SPATA22: variants seen among roughly 807,000 people sequenced by gnomAD.
SPATA22 encodes spermatogenesis-associated protein 22.
In SPATA22, 29 loss-of-function variants were observed where a neutral mutation model predicts 47.8. The observed-to-expected ratio is 0.61, with a 90% CI of 0.45 to 0.83. The LOEUF (loss-of-function observed/expected upper bound fraction) is 0.83. Ranked by LOEUF, SPATA22 falls within the 40% of genes least tolerant of loss-of-function variation. The pLI is 0.00. For synonymous variants in SPATA22, 133 were observed against 140.9 expected (o/e 0.94, Z 0.40); for missense variants, 410 against 421.7 (o/e 0.97, Z 0.24).
chr17:3,510,841 T>G lies in SPATA22; in HGVS notation c.-74+2571A>C, dbSNP rs9913028. 33,436 of 152,174 alleles carry G rather than the reference T, an allele frequency of 0.22. 3,960 individuals are homozygous for G. The highest frequency in any genetic ancestry group is 0.27 in the Non-Finnish European group (18,604 of 68,004). The allele number at this position is 152,174 out of a possible 1,614,324, so 9.4% of individuals were successfully genotyped here. A position where few individuals can be genotyped will look rare whatever the true frequency, so the allele number is the denominator to read the frequency against. On this transcript the variant is annotated intron_variant, in intron 1 of 8. Coordinates refer to the SPATA22 transcript ENST00000541913. ...CAGGCCTTGAGGAAGGACAGGAATG[T>G]CAATAATAAAGGGCTCTCTCAGGCT... is the stretch of plus-strand genomic sequence containing the variant.
chr17:3,479,451 TAAAC>T (rs1388490683), intron 1 of SPATA22, among the ~76,000 whole-genome samples: 2 of 152,338 alleles, frequency 1.3e-5, no homozygotes, highest in African/African-American at 2.4e-5. Flanking sequence ...AATAGTGGTT[TAAAC>T]AAATAAGGGT....
At chr17:3,504,537 A>G (rs1239588752) in intron 1 of SPATA22, among the ~76,000 whole-genome samples, 2 of 145,810 alleles carry the variant, frequency 1.4e-5, no homozygotes, top group African/African-American at 5.0e-5. Flanking sequence ...GGGAAAAAAA[A>G]AAGGAAATTT....
chr17:3,476,909 A>G (rs1364194921), intron 1 of SPATA22, among the ~76,000 whole-genome samples: 3 of 152,248 alleles, frequency 2.0e-5, no homozygotes, highest in Admixed American at 1.3e-4. Context: ...GACATCAGAC[A>G]CTTTGGGAGG....
At chr17:3,479,052 C>T (rs2073582228) in intron 1 of SPATA22, among the ~76,000 whole-genome samples, 1 of 152,248 alleles carries the variant, frequency 6.6e-6, no homozygotes, top group African/African-American at 2.4e-5. Context: ...TATTTTCCAT[C>T]TGATACCTCT....
intron 1 of SPATA22, chr17:3,500,364 T>A (rs1238563930): frequency 1.3e-5 from 2 of 152,338 alleles, no homozygotes; most frequent in African/African-American, 4.8e-5. Flanking sequence ...TATCTAGGAC[T>A]TTCCTAGCTA....
intron 1 of SPATA22, among the ~76,000 whole-genome samples, chr17:3,496,659 G>GCTAA (rs1191142237): frequency 6.6e-6 from 1 of 152,228 alleles, no homozygotes; most frequent in Non-Finnish European, 1.5e-5. Flanking sequence ...ACTAAGGGAT[G>GCTAA]CTAACTGGAA....
intron 3 of SPATA22, among the ~76,000 whole-genome samples, chr17:3,463,781 A>G (rs2073188261): frequency 6.6e-6 from 1 of 152,192 alleles, no homozygotes. Context: ...TGATTGACCA[A>G]AACATGGTTA....
At chr17:3,495,566 T>C (rs2073894910) in intron 1 of SPATA22, among the ~76,000 whole-genome samples, 2 of 151,878 alleles carry the variant, frequency 1.3e-5, no homozygotes, top group African/African-American at 4.8e-5. Context: ...GTTTTTGTTT[T>C]TGTTTTTGTT....
chr17:3,457,951 ACAAAAG>A (rs2073034313), intron 5 of SPATA22, among the ~76,000 whole-genome samples: 1 of 152,230 alleles, frequency 6.6e-6, no homozygotes, highest in Non-Finnish European at 1.5e-5. Flanking sequence ...AGCACAGTCA[ACAAAAG>A]CAAAAGGAAA....
intron 1 of SPATA22, among the ~76,000 whole-genome samples, chr17:3,493,004 T>C (rs138504334): frequency 1.3e-5 from 2 of 152,350 alleles, no homozygotes; most frequent in South Asian, 2.1e-4. Flanking sequence ...TCACTGGGCA[T>C]ACCCATTCTA....
chr17:3,499,245 A>G, intron 1 of SPATA22: 1 of 608,014 alleles, frequency 1.6e-6, no homozygotes, highest in South Asian at 2.7e-5. Context: ...AAATTAATTA[A>G]TATATCTTTA....
chr17:3,456,270 G>A (rs1425804124), intron 5 of SPATA22, among the ~76,000 whole-genome samples: 1 of 150,942 alleles, frequency 6.6e-6, no homozygotes, highest in Non-Finnish European at 1.5e-5. Flanking sequence ...CTGGTTTTCT[G>A]AAAGGATCAA....
At chr17:3,513,825 TCCA>T (rs2074144644) in exon 1 of SPATA22, 7 of 1,099,656 alleles carry the variant, frequency 6.4e-6, no homozygotes, top group Non-Finnish European at 9.6e-6. Flanking sequence ...AGAGCCGGAC[TCCA>T]CCATCCCTCA....
chr17:3,481,254 C>T (rs1019668945), intron 1 of SPATA22, among the ~76,000 whole-genome samples: 8 of 152,038 alleles, frequency 5.3e-5, no homozygotes, highest in African/African-American at 1.9e-4. Flanking sequence ...AATAAATAAC[C>T]CAGTGTACCA....
intron 8 of SPATA22, 65 bp downstream of exon 8, chr17:3,443,109 T>C: frequency 9.1e-7 from 1 of 1,099,456 alleles, no homozygotes; most frequent in South Asian, 1.4e-5. Context: ...TTCAACTGAA[T>C]TATAGCCTGC....
At chr17:3,506,918 G>A (rs1201906208) in intron 1 of SPATA22, among the ~76,000 whole-genome samples, 1 of 149,322 alleles carries the variant, frequency 6.7e-6, no homozygotes, top group Non-Finnish European at 1.5e-5. Flanking sequence ...TTCAGCCTGG[G>A]TGACAAGGCA....
chr17:3,471,509 A>C, intron 1 of SPATA22, 173 bp downstream of exon 1: 1 of 985,356 alleles, frequency 1.0e-6, no homozygotes, highest in Non-Finnish European at 1.2e-6. Flanking sequence ...AAGTGTGCTC[A>C]ATCTGCACGC....
At chr17:3,489,447 T>C (rs1423819978) in intron 1 of SPATA22, 1 of 955,104 alleles carries the variant, frequency 1.0e-6, no homozygotes, top group Non-Finnish European at 1.7e-6. Context: ...AAGTGCTTTT[T>C]AAAATTTTTA....
rs948425045 is a variant in SPATA22 at position 3,470,170 on chromosome 17, T to C, written c.-73-772A>G. Among the ~76,000 whole-genome samples the C allele has an allele frequency of 3.3e-5, 5 of 151,236 alleles. No individual in the cohort carries two copies. In the South Asian group the frequency reaches 6.3e-4, roughly 19 times the overall value. On this transcript the variant is annotated intron_variant, in intron 1 of 8. Coordinates refer to ENST00000572969, the MANE Select transcript of SPATA22 (RefSeq NM_001170698.2). ...ATTGTAATGACAAGTTTCCACTCCA[T>C]TTCCACAACTTCAACAAGTGAAACA...
Sources: allele counts gnomAD v4.1 joint callset (sites outside exome capture counted in the v4.1 genomes callset), GRCh38; gene constraint gnomAD v4.1.1; transcripts MANE v1.5; gene names NCBI Gene and HGNC (gene_info 2026-07-23, HGNC 2026-07-21).